Variants in NALCN observed in about 807,000 individuals in gnomAD.
NALCN encodes sodium leak channel NALCN.
NALCN carries 111 observed loss-of-function variants against 225.3 expected under a neutral mutation model. The observed-to-expected ratio is 0.49, with a 90% CI of 0.42 to 0.58. The LOEUF is 0.58. Ranked by LOEUF, NALCN falls within the 20% of genes least tolerant of loss-of-function variation. NALCN has a pLI of 0.00. For missense variants in NALCN, 1,378 were observed against 2,202.4 expected (o/e 0.63, Z 7.49); for synonymous variants, 764 against 769.0 (o/e 0.99, Z 0.11).
chr13:101,411,703 G>T (rs2047792937), intron 1 of NALCN, among the ~76,000 whole-genome samples: 2 of 152,132 alleles, frequency 1.3e-5, no homozygotes, highest in African/African-American at 2.4e-5. Context: ...GTATATATGG[G>T]AAGCCTGTAG....
rs557745136 is a variant in NALCN at position 101,202,824 on chromosome 13, C to T, written c.1627-10770G>A. ...CACTGCTCTCACTCTAAAGAGATCA[C>T]CTTTCTAGAAGGAATGGCTGAGGGA... On this transcript the variant is annotated intron_variant, in intron 13 of 43. Coordinates refer to ENST00000251127, the MANE Select transcript of NALCN (RefSeq NM_052867.4). Among the ~76,000 whole-genome samples, 14 of 152,298 alleles carry T rather than the reference C, an allele frequency of 9.2e-5. No homozygotes were observed. The East Asian group carries it at 2.5e-3, about 27-fold the overall frequency.
intron 14 of NALCN, among the ~76,000 whole-genome samples, chr13:101,176,682 A>G (rs1448578091): frequency 6.6e-6 from 1 of 152,256 alleles, no homozygotes; most frequent in East Asian, 1.9e-4. Flanking sequence ...TAAAAAAGTG[A>G]TCTGAACTAT....
In NALCN at chr13:101,083,189, C is replaced by T; in HGVS notation, c.3593G>A (p.Gly1198Asp). 6.2e-7 allele frequency: 1 copy of T among 1,613,840 alleles called. No individual in the cohort carries two copies. The highest frequency in any genetic ancestry group is 8.5e-7 in the Non-Finnish European group (1 of 1,179,826). Residue 1198 changes from glycine to aspartate, a missense_variant, in exon 32 of 44, where the codon GGT (glycine) becomes GAT (aspartate). Coordinates refer to ENST00000251127, the MANE Select transcript of NALCN (RefSeq NM_052867.4). ...TATGTCATACATTTTAGCTCTAAAA[C>T]CATCATTATCTAGAAAAGAAAGGTT... ...LHLPPRPDND[G>D]FRAKMYDITQ...
At chr13:101,190,457 G>T (rs2039636831) in intron 14 of NALCN, among the ~76,000 whole-genome samples, 1 of 152,192 alleles carries the variant, frequency 6.6e-6, no homozygotes, top group Admixed American at 6.5e-5. Flanking sequence ...AGACCCCAGG[G>T]CTAAGTGTTG....
chr13:101,283,456 C>T (rs1338424678), intron 10 of NALCN, among the ~76,000 whole-genome samples: 1 of 152,054 alleles, frequency 6.6e-6, no homozygotes, highest in East Asian at 1.9e-4. Context: ...ACTCTCAGGC[C>T]CCACCTGCAA....
chr13:101,264,389 T>C (rs1198227291), intron 10 of NALCN, among the ~76,000 whole-genome samples: 1 of 152,156 alleles, frequency 6.6e-6, no homozygotes, highest in Non-Finnish European at 1.5e-5. Flanking sequence ...AAATTACTTA[T>C]CTGTGTATAT....
chr13:101,360,102 CTCTT>C (rs200960559), intron 6 of NALCN, among the ~76,000 whole-genome samples: 4,651 of 145,534 alleles, frequency 0.032, 261 homozygotes, highest in African/African-American at 0.11. Context: ...TCTTTTCTTT[CTCTT>C]TCTCTTTTTC....
intron 10 of NALCN, among the ~76,000 whole-genome samples, chr13:101,263,994 T>A (rs1004284152): frequency 6.6e-6 from 1 of 152,176 alleles, no homozygotes; most frequent in African/African-American, 2.4e-5. Context: ...AAAGTCCAAA[T>A]TTATACTTTT....
At chr13:101,197,988 A>G (rs932787874) in intron 13 of NALCN, among the ~76,000 whole-genome samples, 1 of 152,224 alleles carries the variant, frequency 6.6e-6, no homozygotes, top group Non-Finnish European at 1.5e-5. Context: ...CTAATGGAGA[A>G]GAAAGATTTT....
At chr13:101,411,682 T>G (rs1327690260) in intron 1 of NALCN, among the ~76,000 whole-genome samples, 1 of 152,186 alleles carries the variant, frequency 6.6e-6, no homozygotes. Context: ...ACTATAATGC[T>G]CTGATCGTTG....
intron 7 of NALCN, among the ~76,000 whole-genome samples, chr13:101,337,600 G>A (rs2045423340): frequency 1.3e-5 from 2 of 152,188 alleles, no homozygotes; most frequent in South Asian, 2.1e-4. Context: ...GAGCCACCAC[G>A]CCCAGCCCAC....
chr13:101,310,906 A>C (rs1415853201), intron 7 of NALCN, among the ~76,000 whole-genome samples: 2 of 152,124 alleles, frequency 1.3e-5, no homozygotes, highest in East Asian at 1.9e-4. Context: ...TGTGTAAAAA[A>C]ATCTCTTGAT....
At chr13:101,395,777 C>CT (rs953591121) in intron 2 of NALCN, among the ~76,000 whole-genome samples, 9 of 152,002 alleles carry the variant, frequency 5.9e-5, no homozygotes, top group African/African-American at 1.2e-4. Context: ...TGTGCCATTA[C>CT]TTTTTTTTCA....
chr13:101,223,998 C>T (rs56094663), intron 13 of NALCN, among the ~76,000 whole-genome samples: 1 of 152,164 alleles, frequency 6.6e-6, no homozygotes, highest in East Asian at 1.9e-4. Flanking sequence ...TCCCTCCTTA[C>T]ACCTAAATGG....
intron 10 of NALCN, among the ~76,000 whole-genome samples, chr13:101,282,855 C>T (rs1350909032): frequency 6.6e-6 from 1 of 152,020 alleles, no homozygotes; most frequent in African/African-American, 2.4e-5. Context: ...GTAAAATGGC[C>T]ATATAAACAT....
chr13:101,214,132 C>A (rs1396727345), intron 13 of NALCN, among the ~76,000 whole-genome samples: 8 of 152,130 alleles, frequency 5.3e-5, no homozygotes, highest in South Asian at 4.1e-4. Flanking sequence ...TGGATGAGTT[C>A]ATGTCCTTTG....
intron 15 of NALCN, among the ~76,000 whole-genome samples, chr13:101,149,448 A>T (rs2037527669): frequency 6.6e-6 from 1 of 152,224 alleles, no homozygotes; most frequent in Non-Finnish European, 1.5e-5. Flanking sequence ...TCTAATTGGT[A>T]TTAGAGATAT....
intron 17 of NALCN, among the ~76,000 whole-genome samples, chr13:101,138,055 T>C (rs2036889784): frequency 2.0e-5 from 3 of 152,168 alleles, no homozygotes; most frequent in African/African-American, 4.8e-5. Context: ...CCTGGGGTGC[T>C]TTCTTCCTTT....
At chr13:101,374,385 C>T (rs1339887562) in intron 6 of NALCN, among the ~76,000 whole-genome samples, 1 of 149,438 alleles carries the variant, frequency 6.7e-6, no homozygotes, top group Non-Finnish European at 1.5e-5. Context: ...AAGCAATTCT[C>T]TTGTCTCAGC....
Sources: gnomAD v4.1 joint callset for allele counts (sites outside exome capture counted in the v4.1 genomes callset) on GRCh38, gnomAD v4.1.1 for gene constraint, MANE v1.5 for transcripts, NCBI Gene and HGNC (gene_info 2026-07-23, HGNC 2026-07-21) for gene names.